The following DAB1 variants were observed in gnomAD, a reference collection of about 807,000 sequenced individuals.
DAB1 encodes the protein disabled homolog 1.
DAB1 carries 15 observed loss-of-function variants against 64.6 expected under a neutral mutation model. The ratio of observed to expected loss-of-function variants is 0.23; its 90% CI spans 0.16 to 0.36. The LOEUF is 0.36. Ranked by LOEUF, DAB1 falls within the 10% of genes least tolerant of loss-of-function variation. DAB1 has a pLI of 1.00. For synonymous variants in DAB1, 235 were observed against 251.9 expected (o/e 0.93, Z 0.64); for missense variants, 596 against 706.7 (o/e 0.84, Z 1.78).
chr1:57,148,036 G>A (rs941838902), intron 2 of DAB1, among the ~76,000 whole-genome samples: 52 of 152,064 alleles, frequency 3.4e-4, no homozygotes, highest in Admixed American at 2.7e-3. Flanking sequence ...TCTTTATCTT[G>A]ACCAAAACTC....
chr1:58,209,000 T>G (rs1024816600), intron 4 of DAB1, among the ~76,000 whole-genome samples: 2 of 152,146 alleles, frequency 1.3e-5, no homozygotes, highest in Non-Finnish European at 2.9e-5. Context: ...CAAGGAAGGC[T>G]TCCTAGAGAA....
At chr1:57,518,109 G>A (rs1463762360) in intron 7 of DAB1, among the ~76,000 whole-genome samples, 2 of 152,164 alleles carry the variant, frequency 1.3e-5, no homozygotes, top group Non-Finnish European at 2.9e-5. Flanking sequence ...GAACTAGATT[G>A]CTTTCTTTCA....
intron 4 of DAB1, among the ~76,000 whole-genome samples, chr1:58,208,522 T>G (rs2100285069): frequency 6.6e-6 from 1 of 152,326 alleles, no homozygotes; most frequent in African/African-American, 2.4e-5. Context: ...TAGCTCCCAC[T>G]TATAAGTGAG....
chr1:57,757,956 C>G (rs978786), intron 6 of DAB1, among the ~76,000 whole-genome samples: 1 of 151,820 alleles, frequency 6.6e-6, no homozygotes, highest in Non-Finnish European at 1.5e-5. Flanking sequence ...AGCTAGGACT[C>G]CAGGTACATG....
intron 8 of DAB1, among the ~76,000 whole-genome samples, chr1:57,064,910 G>C (rs1259993795): frequency 6.6e-6 from 1 of 152,176 alleles, no homozygotes; most frequent in African/African-American, 2.4e-5. Context: ...AATGCCTACA[G>C]AGTCCTTGTT....
At chr1:58,410,631 T>C (rs1002954695) in intron 3 of DAB1, among the ~76,000 whole-genome samples, 3 of 152,204 alleles carry the variant, frequency 2.0e-5, no homozygotes, top group Non-Finnish European at 4.4e-5. Context: ...AGAAGCAGGA[T>C]CTAAACTACT....
In DAB1 at chr1:57,236,627, C is replaced by T. The variant is rs375147981; in HGVS notation, c.67+54337G>A. 9.2e-5 allele frequency among the ~76,000 whole-genome samples: 14 copies of T among 152,304 alleles called. No individual in the cohort carries two copies. The East Asian group carries it at 2.3e-3, about 25-fold the overall frequency. ...GAAACAAATCAACAATGCCTTTTTA[C>T]GTCATGCTACAGAGCTTATCTTTTC... is the stretch of plus-strand genomic sequence containing the variant. On this transcript the variant is annotated intron_variant, in intron 2 of 14. Transcript: ENST00000371236.
chr1:58,011,474 A>G (rs1646667635), intron 5 of DAB1, among the ~76,000 whole-genome samples: 1 of 152,174 alleles, frequency 6.6e-6, no homozygotes, highest in Non-Finnish European at 1.5e-5. Context: ...AGAGTGGTTG[A>G]GTAGTTTGTC....
rs1433551374 is a variant in DAB1 at position 57,749,399 on chromosome 1, G to A, written n.552-99734C>T. On this transcript the variant is annotated intron_variant and non_coding_transcript_variant, in intron 6 of 20. Transcript: ENST00000485760. ...TTACCAGTCTGTAAGAATGTGAAAA[G>A]GAATTGAATTAATTGATAACATTTT... Among the ~76,000 whole-genome samples the A allele has an allele frequency of 4.6e-5, 7 of 152,294 alleles. No homozygotes were observed. In the East Asian group the frequency reaches 1.4e-3, roughly 29 times the overall value.
chr1:58,336,143 T>C (rs1663111674), intron 4 of DAB1, among the ~76,000 whole-genome samples: 2 of 152,216 alleles, frequency 1.3e-5, no homozygotes, highest in Non-Finnish European at 2.9e-5. Flanking sequence ...ATGTAGTCAA[T>C]GTTCAATAAA....
intron 4 of DAB1, among the ~76,000 whole-genome samples, chr1:58,243,569 C>T (rs1365198803): frequency 6.6e-6 from 1 of 151,970 alleles, no homozygotes; most frequent in Non-Finnish European, 1.5e-5. Context: ...GTACTATTGC[C>T]AACAAGGGAA....
At chr1:57,386,365 G>GTA (rs1681839337) in intron 1 of DAB1, among the ~76,000 whole-genome samples, 1 of 63,090 alleles carries the variant, frequency 1.6e-5, no homozygotes, top group Admixed American at 1.8e-4. Flanking sequence ...AGGCCCCTTG[G>GTA]GAAAAAAAAA....
At chr1:57,058,972 G>A (rs913853879) in intron 9 of DAB1, among the ~76,000 whole-genome samples, 1 of 152,206 alleles carries the variant, frequency 6.6e-6, no homozygotes, top group African/African-American at 2.4e-5. Context: ...ATTAGGATCA[G>A]TGCAAAGAGA....
intron 4 of DAB1, among the ~76,000 whole-genome samples, chr1:58,215,561 C>T (rs912905263): frequency 1.3e-5 from 2 of 152,118 alleles, no homozygotes; most frequent in Non-Finnish European, 1.5e-5. Context: ...CGAAAGAGTT[C>T]TTGGTGCAGA....
At chr1:58,408,201 G>A (rs760189185) in intron 3 of DAB1, among the ~76,000 whole-genome samples, 10 of 152,168 alleles carry the variant, frequency 6.6e-5, no homozygotes, top group Non-Finnish European at 1.2e-4. Flanking sequence ...CCAGTGATCT[G>A]ACAGAGAGGC....
At chr1:58,165,037 C>A (rs1291826893) in intron 4 of DAB1, among the ~76,000 whole-genome samples, 1 of 152,098 alleles carries the variant, frequency 6.6e-6, no homozygotes, top group Admixed American at 6.5e-5. Context: ...CACTCTAGGC[C>A]CCATTTCCAC....
chr1:57,977,789 T>C (rs978738718), intron 5 of DAB1, among the ~76,000 whole-genome samples: 5 of 151,958 alleles, frequency 3.3e-5, no homozygotes, highest in African/African-American at 1.2e-4. Context: ...AAGAACCAGA[T>C]GAGATAAGTG....
At position 58,221,435 on chromosome 1, in the gene DAB1, G is replaced by A. The variant is rs78345582; in HGVS notation, n.310-70847C>T. Among the ~76,000 whole-genome samples the A allele has an allele frequency of 7.2e-5, 11 of 152,290 alleles. No individual in the cohort carries two copies. In the East Asian group the frequency reaches 1.4e-3, roughly 19 times the overall value. ...ATGATAACAGCTCCTGAGCATGCCC[G>A]TCTGAAAGAACAGTCACTGGCACAT... is the stretch of plus-strand genomic sequence containing the variant. On this transcript the variant is annotated intron_variant and non_coding_transcript_variant, in intron 4 of 20. Transcript: ENST00000485760.
At chr1:57,655,657 C>A (rs1202704690) in intron 6 of DAB1, among the ~76,000 whole-genome samples, 4 of 151,998 alleles carry the variant, frequency 2.6e-5, no homozygotes, top group African/African-American at 4.8e-5. Flanking sequence ...TGTCAGATGG[C>A]GATAAGTGCC....
Sources: gnomAD v4.1 joint callset for allele counts (sites outside exome capture counted in the v4.1 genomes callset) on GRCh38, gnomAD v4.1.1 for gene constraint, MANE v1.5 for transcripts, NCBI Gene and HGNC (gene_info 2026-07-23, HGNC 2026-07-21) for gene names.